RADIL: variants seen among roughly 807,000 people sequenced by gnomAD.
The protein encoded by RADIL is Rap associating with DIL domain, also known as ras-associating and dilute domain-containing protein.
RADIL carries 99 observed loss-of-function variants against 97.6 expected under a neutral mutation model. That is an observed-to-expected ratio of 1.01 (90% CI 0.86 to 1.20). The LOEUF is 1.20. RADIL is among the 50% of genes most tolerant of loss of function. The pLI is 0.00. For missense variants in RADIL, 1,765 were observed against 1,498.9 expected, an observed-to-expected ratio of 1.18 and a Z score of -2.93; for synonymous variants, 803 against 691.8, an observed-to-expected ratio of 1.16 and a Z score of -2.52.
intron 5 of RADIL, among the ~76,000 whole-genome samples, chr7:4,829,608 A>G (rs2115215101): frequency 6.6e-6 from 1 of 152,162 alleles, no homozygotes. Flanking sequence ...TTTCATCTTA[A>G]ATTGTAGCTC....
rs1473197525 is a variant in RADIL, at chr7:4,840,474, G to T, written c.536-3869C>A. ...GCCATCGCTAGACACACAGCGTGGA[G>T]TTGTCAAGGCCCTCAGACCCGGCAG... On this transcript the variant is annotated intron_variant, in intron 2 of 14. Coordinates refer to ENST00000399583, the MANE Select transcript of RADIL (RefSeq NM_018059.5). The surrounding 1 kb of genome is among the most constrained non-coding windows in gnomAD (Gnocchi z 5.6). Among the ~76,000 whole-genome samples the T allele has an allele frequency of 2.0e-5, 3 of 152,190 alleles. No individual in the cohort carries two copies. Among genetic ancestry groups the T allele is most frequent in the Non-Finnish European group, 4.4e-5 (3 of 68,034 alleles).
At chr7:4,830,269 C>T (rs113856449) in intron 5 of RADIL, among the ~76,000 whole-genome samples, 5,685 of 152,278 alleles carry the variant, frequency 0.037, 238 homozygotes, top group African/African-American at 0.1. Flanking sequence ...AGACATGTGG[C>T]GGCTTCAGCT....
chr7:4,799,535 C>T, intron 14 of RADIL, 52 bp from the exon 15 acceptor site: 1 of 1,612,922 alleles, frequency 6.2e-7, no homozygotes, highest in Non-Finnish European at 8.5e-7. Flanking sequence ...AGGGGAGACC[C>T]ACAGGGTGCA....
In RADIL at chr7:4,800,237, G is replaced by C. The variant is rs1201764694; in HGVS notation, c.2916C>G (p.Cys972Trp). ...SSRSSSTEDF[C>W]YVFTVELERG... ...GTTCCAGCTCCACCGTGAAGACGTA[G>C]CAGAAGTCCTCGGTGCTGGAGCTGC... The change falls in exon 13 of 15, where the codon TGC becomes TGG. Residue 972 changes from cysteine (C) to tryptophan (W), a missense_variant. Physicochemically the swap from Cys to Trp is radical, Grantham distance 215. Transcript: ENST00000399583. 1.3e-6 allele frequency: 2 copies of C among 1,598,980 alleles called. No homozygotes were observed. Among genetic ancestry groups the C allele is most frequent in the Non-Finnish European group, 1.7e-6 (2 of 1,174,322 alleles).
chr7:4,865,336 T>C, intron 2 of RADIL: 1 of 551,594 alleles, frequency 1.8e-6, no homozygotes, highest in East Asian at 3.4e-5. Flanking sequence ...TACAATATTG[T>C]ATTTTTACTG....
At position 4,814,198 on chromosome 7, in the gene RADIL, T is replaced by C. The variant is rs560274643; in HGVS notation, c.2139+1080A>G. 3.7e-4 allele frequency among the ~76,000 whole-genome samples: 57 copies of C among 152,368 alleles called. No individual in the cohort carries two copies. Among genetic ancestry groups the C allele is most frequent in the Non-Finnish European group, 6.6e-4 (45 of 68,032 alleles). ...CATGGGTTTGTGGCATTAAAAAGCA[T>C]TGCTTTACTTCTGTTTAGTGATACT... On this transcript the variant is annotated intron_variant, in intron 9 of 14. Coordinates refer to ENST00000399583, the MANE Select transcript of RADIL (RefSeq NM_018059.5). The surrounding 1 kb of genome is among the most constrained non-coding windows in gnomAD (Gnocchi z 4.5).
At chr7:4,875,967 G>A (rs888729311) in intron 2 of RADIL, among the ~76,000 whole-genome samples, 1 of 152,094 alleles carries the variant, frequency 6.6e-6, no homozygotes, top group Non-Finnish European at 1.5e-5. Flanking sequence ...CAGACTTTAA[G>A]AGCCATAATT....
intron 12 of RADIL, among the ~76,000 whole-genome samples, 172 bp from the exon 13 acceptor site, chr7:4,800,482 C>T (rs1016897073): frequency 2.0e-5 from 3 of 152,118 alleles, no homozygotes; most frequent in African/African-American, 7.2e-5. Flanking sequence ...ACATTAGGGT[C>T]GGGGTCCGCC....
chr7:4,855,054 G>A (rs1213996548), intron 2 of RADIL, among the ~76,000 whole-genome samples: 2 of 152,060 alleles, frequency 1.3e-5, no homozygotes, highest in African/African-American at 4.8e-5. Context: ...GTGCATTTTT[G>A]TGCTTTTCCC....
At position 4,799,786 on chromosome 7, in the gene RADIL, G is replaced by A; in HGVS notation, c.2983-17C>T. ...GTGCGTGTGCTGGGGACAAGCAGAG[G>A]CCTCAGAGCTCCGCAGGCCCGACTG... On this transcript the variant is annotated splice_polypyrimidine_tract_variant and intron_variant, in intron 13 of 14. Coordinates refer to ENST00000399583, the MANE Select transcript of RADIL (RefSeq NM_018059.5). 4 of 1,503,116 alleles carry A rather than the reference G, an allele frequency of 2.7e-6. No homozygotes were observed. Among genetic ancestry groups the A allele is most frequent in the East Asian group, 2.5e-5 (1 of 40,664 alleles). The allele number at this position is 1,503,116 out of a possible 1,614,324, so 93.1% of individuals were successfully genotyped here.
At position 4,803,958 on chromosome 7, in the gene RADIL, C is replaced by T. The variant is rs745740377; in HGVS notation, c.2291-204G>A. The T allele has an allele frequency of 7.3e-5, 49 of 667,320 alleles. No homozygotes were observed. In the East Asian group the frequency reaches 9.4e-4, roughly 13 times the overall value. 41.3% of individuals were successfully genotyped at this position (667,320 alleles called of 1,614,324 possible). A position where few individuals can be genotyped will look rare whatever the true frequency, so the allele number is the denominator to read the frequency against. ...CCCTTCTGAATTCCCGCCGACCACCCGGTGTGACATCCGAGCAGTTCAGGA... is the reference window on the plus strand; with the variant it reads ...CCCTTCTGAATTCCCGCCGACCACCTGGTGTGACATCCGAGCAGTTCAGGA... On this transcript the variant is annotated intron_variant, in intron 10 of 14. Transcript: ENST00000399583.
rs1469549874 is a variant in RADIL, at chr7:4,802,720, C to A, written c.2500-725G>T. Among the ~76,000 whole-genome samples the A allele has an allele frequency of 2.9e-3, 333 of 113,150 alleles. 1 individual carries two copies. The highest frequency in any genetic ancestry group is 5.4e-3 in the Non-Finnish European group (294 of 54,190). 74.2% of individuals were successfully genotyped at this position (113,150 alleles called of 152,430 possible). On this transcript the variant is annotated intron_variant, in intron 11 of 14. Coordinates refer to ENST00000399583, the MANE Select transcript of RADIL (RefSeq NM_018059.5). ...GCTGGCTGGGTCCCCTCCCCAGGCA[C>A]CTCGGGGCACGCTGGCTGGGCCCCC...
chr7:4,860,371 C>T (rs1467436700), intron 2 of RADIL: 6 of 1,613,838 alleles, frequency 3.7e-6, no homozygotes, highest in South Asian at 1.1e-5. Context: ...TTTTCATACC[C>T]ATCTCAAACA....
rs770470186 is a variant in RADIL at position 4,832,299 on chromosome 7, C to T, written c.1417-121G>A. The T allele has an allele frequency of 1.7e-4, 159 of 928,498 alleles. 1 individual carries two copies. The highest frequency in any genetic ancestry group is 2.6e-4 in the Non-Finnish European group (150 of 587,896). 57.5% of individuals were successfully genotyped at this position (928,498 alleles called of 1,614,324 possible). A position where few individuals can be genotyped will look rare whatever the true frequency, so the allele number is the denominator to read the frequency against. On this transcript the variant is annotated intron_variant, in intron 4 of 14. Transcript: ENST00000399583. Reference sequence around the variant, plus strand: ...ATGCTGCCCCAGGCATCCTGTGTGACGCTGACTATTTATTCAAGCTGTGCT... The same window carrying T: ...ATGCTGCCCCAGGCATCCTGTGTGATGCTGACTATTTATTCAAGCTGTGCT...
chr7:4,835,185 G>C lies in RADIL; in HGVS notation c.838C>G (p.Pro280Ala). The change falls in exon 4 of 15, where the codon CCC (proline) becomes GCC (alanine). Residue 280 changes from proline to alanine, a missense_variant. Transcript: ENST00000399583. The surrounding 1 kb of genome is among the most constrained non-coding windows in gnomAD (Gnocchi z 5.8). ...RDRHTVGQRTPSSKPSISLSA... is the reference protein window; with the variant it reads ...RDRHTVGQRTASSKPSISLSA... ...AGGCTGATGCTGGGCTTGCTGGAGG[G>C]GGTCCGCTGGCCCACCGTGTGCCGG... The C allele has an allele frequency of 1.2e-6, 2 of 1,612,086 alleles. No homozygotes were observed. The highest frequency in any genetic ancestry group is 1.7e-5 in the Admixed American group (1 of 59,962).
In RADIL at chr7:4,799,224, A is replaced by G. The variant is rs1446280892; in HGVS notation, c.*154T>C. 6.4e-6 allele frequency: 4 copies of G among 628,620 alleles called. No homozygotes were observed. Among genetic ancestry groups the G allele is most frequent in the Non-Finnish European group, 1.1e-5 (4 of 353,908 alleles). 38.9% of individuals were successfully genotyped at this position (628,620 alleles called of 1,614,324 possible). On this transcript the variant is annotated 3_prime_UTR_variant, in exon 15 of 15. Transcript: ENST00000399583. Reference sequence around the variant, plus strand: ...TGCCATATAAATAGAACCTACACTGAGATGCATGTTATCAACAGGCATGTC... The same window carrying G: ...TGCCATATAAATAGAACCTACACTGGGATGCATGTTATCAACAGGCATGTC...
In RADIL at chr7:4,835,161, G is replaced by C; in HGVS notation, c.862C>G (p.Leu288Val). ...AGAGGCAGGATGTCGGGGGCTGAGA[G>C]GCTGATGCTGGGCTTGCTGGAGGGG... The part of the protein sequence containing the change: ...RTPSSKPSIS[L>V]SAPDILPLHC... Residue 288 changes from leucine to valine, a missense_variant, in exon 4 of 15, where the codon CTC becomes GTC. Physicochemically the swap from Leu to Val is conservative, Grantham distance 32. Transcript: ENST00000399583. The surrounding 1 kb of genome is among the most constrained non-coding windows in gnomAD (Gnocchi z 5.8). 1 of 1,611,622 alleles carries C rather than the reference G, an allele frequency of 6.2e-7. No homozygotes were observed. The highest frequency in any genetic ancestry group is 8.5e-7 in the Non-Finnish European group (1 of 1,179,436).
chr7:4,832,043 A>G (rs2115221147), intron 5 of RADIL, 98 bp downstream of exon 5: 1 of 1,293,722 alleles, frequency 7.7e-7, no homozygotes, highest in Non-Finnish European at 1.1e-6. Context: ...GCTGACCCCA[A>G]GGCGTGGGGA....
chr7:4,801,607 G>A, intron 12 of RADIL, 46 bp downstream of exon 12: 2 of 1,539,354 alleles, frequency 1.3e-6, no homozygotes, highest in South Asian at 2.4e-5. Flanking sequence ...AGGGTGCTGT[G>A]CGGGGTCTGG....
Sources: gnomAD v4.1 joint callset for allele counts (sites outside exome capture counted in the v4.1 genomes callset) on GRCh38, gnomAD v4.1.1 for gene constraint, Gnocchi (gnomAD v3.1) non-coding constraint, MANE v1.5 for transcripts, NCBI Gene and HGNC (gene_info 2026-07-23, HGNC 2026-07-21) for gene names.